SNED1: variants seen among roughly 807,000 people sequenced by gnomAD.
SNED1 encodes sushi, nidogen and EGF-like domain-containing protein 1.
Under a neutral mutation model 166.7 loss-of-function variants are expected in SNED1, and 81 were observed. The observed-to-expected ratio is 0.49, with a 90% CI of 0.41 to 0.58. SNED1 has a LOEUF of 0.58. Among genes scored for constraint, SNED1 ranks in the 20% least tolerant of loss-of-function variants. The probability of loss-of-function intolerance (pLI) is 0.00; values close to 1 mark genes in which losing one functional copy is unlikely to be tolerated. For missense variants in SNED1, 1,604 were observed against 2,000.2 expected (o/e 0.80, Z 3.78); for synonymous variants, 762 against 822.0 (o/e 0.93, Z 1.25).
intron 31 of SNED1, chr2:241,090,520 T>C (rs758988714): frequency 3.4e-6 from 5 of 1,454,246 alleles, no homozygotes; most frequent in Non-Finnish European, 4.6e-6. Context: ...AAGTATTATG[T>C]ACTCTACATA....
chr2:240,999,018 C>A lies in SNED1; in HGVS notation c.181C>A (p.Pro61Thr). The A allele has an allele frequency of 7.5e-7, 1 of 1,324,880 alleles. No homozygotes were observed. The highest frequency in any genetic ancestry group is 9.7e-7 in the Non-Finnish European group (1 of 1,033,916). The allele number at this position is 1,324,880 out of a possible 1,614,324, so 82.1% of individuals were successfully genotyped here. A position where few individuals can be genotyped will look rare whatever the true frequency, so the allele number is the denominator to read the frequency against. The change falls in exon 1 of 32, where the codon CCG becomes ACG. Residue 61 changes from proline (P) to threonine (T), a missense_variant. Pro to Thr is a conservative substitution (Grantham distance 38). This residue lies in a region of SNED1 where 1,237 missense variants were observed against 1,620.8 expected (regional missense o/e 0.76). Transcript: ENST00000310397. This position sits in a 1 kb window ranked among gnomAD's most constrained non-coding sequence, Gnocchi z 5.8. ...SGLRPLSVPF[P>T]FFGAEHSGLY... ...GCTGCGGCCGCTCTCGGTGCCCTTC[C>A]CGTTCTTCGGTGCCGAGCACTCCGG...
Position 241,018,425 on chromosome 2 carries a change from C to G in SNED1, c.214-11859C>G, listed in dbSNP as rs1291130594. ...CTGACTCAGGCAGGCCATGAGGCAC[C>G]TTGCCAGGTGCTGGATTTAAGGGGC... On this transcript the variant is annotated intron_variant, in intron 1 of 31. Coordinates refer to ENST00000310397, the MANE Select transcript of SNED1 (RefSeq NM_001080437.3). This position sits in a 1 kb window ranked among gnomAD's most constrained non-coding sequence, Gnocchi z 5.4. Among the ~76,000 whole-genome samples, 3 of 152,174 alleles carry G rather than the reference C, an allele frequency of 2.0e-5. No homozygotes were observed. Among genetic ancestry groups the G allele is most frequent in the Admixed American group, 2.0e-4 (3 of 15,286 alleles).
At chr2:241,032,220 G>T (rs1218046978) in intron 2 of SNED1, among the ~76,000 whole-genome samples, 2 of 151,980 alleles carry the variant, frequency 1.3e-5, no homozygotes, top group Admixed American at 6.6e-5. Flanking sequence ...TGTGATGGCG[G>T]GTGCCTGTAA....
At chr2:241,039,147 G>T (rs2061453960) in intron 6 of SNED1, among the ~76,000 whole-genome samples, 1 of 152,262 alleles carries the variant, frequency 6.6e-6, no homozygotes, top group East Asian at 1.9e-4. Context: ...AGCCACCTTG[G>T]CCCCCAGAAC....
rs1356629218 is a variant in SNED1 at position 241,073,467 on chromosome 2, G to A, written c.3916+103G>A. On this transcript the variant is annotated intron_variant, in intron 27 of 31. Coordinates refer to ENST00000310397, the MANE Select transcript of SNED1 (RefSeq NM_001080437.3). This position sits in a 1 kb window ranked among gnomAD's most constrained non-coding sequence, Gnocchi z 6.6. ...ACCACCCACGGTGAGGAATCAGGAGGCACAGAGCCTACCTGAGGGGAGGCT... is the reference window on the plus strand; with the variant it reads ...ACCACCCACGGTGAGGAATCAGGAGACACAGAGCCTACCTGAGGGGAGGCT... The A allele has an allele frequency of 1.0e-5, 10 of 954,338 alleles. No individual in the cohort carries two copies. The highest frequency in any genetic ancestry group is 2.8e-5 in the South Asian group (2 of 71,692). 59.1% of individuals were successfully genotyped at this position (954,338 alleles called of 1,614,324 possible).
chr2:241,072,818 C>T, intron 26 of SNED1: 1 of 197,630 alleles, frequency 5.1e-6, no homozygotes, highest in Non-Finnish European at 1.0e-5. Flanking sequence ...GAGATCCCTG[C>T]ATAAGAAGTG....
At position 241,071,684 on chromosome 2, in the gene SNED1, A is replaced by T; in HGVS notation, c.3698A>T (p.Asp1233Val). The part of the protein sequence containing the change: ...ARLPELRLLN[D>V]HSAPETPTQP... ...CTGCCGGAGCTGCGCCTGCTCAATG[A>T]CCACAGCGCCCCCGAGACCCCCACC... The change falls in exon 25 of 32, where the codon GAC (aspartate) becomes GTC (valine). Residue 1233 changes from aspartate to valine, a missense_variant. Around this residue, in one of 2 missense-constraint regions of SNED1, gnomAD observed 367 missense variants for 379.4 expected, o/e 0.97. Coordinates refer to ENST00000310397, the MANE Select transcript of SNED1 (RefSeq NM_001080437.3). 1 of 1,545,154 alleles carries T rather than the reference A, an allele frequency of 6.5e-7. No individual in the cohort carries two copies. Among genetic ancestry groups the T allele is most frequent in the South Asian group, 1.2e-5 (1 of 84,376 alleles).
At chr2:241,078,211 C>T (rs542865103) in intron 27 of SNED1, among the ~76,000 whole-genome samples, 34 of 151,628 alleles carry the variant, frequency 2.2e-4, no homozygotes, top group South Asian at 1.0e-3. Flanking sequence ...GGTGAAACCC[C>T]GTCTCTACTA....
intron 29 of SNED1, among the ~76,000 whole-genome samples, chr2:241,086,676 T>G (rs1273043565): frequency 6.6e-6 from 1 of 152,260 alleles, no homozygotes; most frequent in African/African-American, 2.4e-5. Context: ...ATGGAAGTCT[T>G]ACCACAGGTT....
intron 27 of SNED1, among the ~76,000 whole-genome samples, chr2:241,078,264 T>C (rs2063135815): frequency 6.6e-6 from 1 of 151,218 alleles, no homozygotes. Context: ...GCGCCTGTAG[T>C]CCCAGCTCCT....
intron 1 of SNED1, among the ~76,000 whole-genome samples, chr2:241,007,168 C>T (rs1166555606): frequency 6.6e-6 from 1 of 152,148 alleles, no homozygotes; most frequent in Non-Finnish European, 1.5e-5. Context: ...AGAGAATATC[C>T]TTGTTGATGG....
intron 31 of SNED1, chr2:241,090,095 T>C: frequency 2.7e-6 from 4 of 1,503,616 alleles, no homozygotes; most frequent in Non-Finnish European, 3.6e-6. Flanking sequence ...ACTTTATACA[T>C]TTTTAATTTT....
chr2:241,087,666 C>T, intron 30 of SNED1, 191 bp downstream of exon 30: 4 of 1,382,826 alleles, frequency 2.9e-6, no homozygotes. Flanking sequence ...TGTGAGCATA[C>T]CCAGAGGGGC....
At chr2:241,089,897 C>T (rs965248971) in intron 31 of SNED1, 42 of 1,512,586 alleles carry the variant, frequency 2.8e-5, no homozygotes, top group Non-Finnish European at 3.5e-5. Flanking sequence ...TGTAGGCGGT[C>T]GTAACACAGT....
At chr2:241,049,751 C>T (rs1409754514) in intron 11 of SNED1, 66 bp from the exon 12 acceptor site, 41 of 1,285,352 alleles carry the variant, frequency 3.2e-5, no homozygotes, top group Non-Finnish European at 4.0e-5. Flanking sequence ...AGGTGCCCGC[C>T]AGCCTCTTGC....
chr2:241,082,189 G>C (rs1292534876), intron 28 of SNED1, 88 bp from the exon 29 acceptor site: 2 of 1,048,360 alleles, frequency 1.9e-6, no homozygotes, highest in Admixed American at 2.0e-5. Context: ...AAGGACCCCC[G>C]GGCCCTCTCC....
intron 18 of SNED1, 59 bp downstream of exon 18, chr2:241,063,759 A>G (rs1465707282): frequency 1.6e-6 from 2 of 1,257,368 alleles, no homozygotes; most frequent in African/African-American, 3.0e-5. Flanking sequence ...AAGATCAGAG[A>G]GGAGGTGGGG....
chr2:241,015,697 G>A (rs1056340542), intron 1 of SNED1: 25 of 173,156 alleles, frequency 1.4e-4, no homozygotes, highest in African/African-American at 5.5e-4. Context: ...TAGCGGTGGT[G>A]TTGGTGCCTG....
chr2:241,071,700 G>GT lies in SNED1; in HGVS notation c.3714_3715insT (p.Thr1239TyrfsTer60). 1 of 1,502,384 alleles carries GT rather than the reference G, an allele frequency of 6.7e-7. No homozygotes were observed. Among genetic ancestry groups the GT allele is most frequent in the Non-Finnish European group, 9.0e-7 (1 of 1,116,624 alleles). The allele number at this position is 1,502,384 out of a possible 1,614,324, so 93.1% of individuals were successfully genotyped here. The stretch of plus-strand genomic sequence containing the variant: ...TGCTCAATGACCACAGCGCCCCCGA[G>GT]ACCCCCACCCAGCCCCCCAGGTACA... On this transcript the variant is annotated frameshift_variant, in exon 25 of 32. Transcript: ENST00000310397. LOFTEE classifies it high-confidence loss of function.
Sources: gnomAD v4.1 joint callset for allele counts (sites outside exome capture counted in the v4.1 genomes callset) on GRCh38, gnomAD v4.1.1 for gene constraint, gnomAD v4.1.1 regional missense constraint, Gnocchi (gnomAD v3.1) non-coding constraint, MANE v1.5 for transcripts, NCBI Gene and HGNC (gene_info 2026-07-23, HGNC 2026-07-21) for gene names.